Variants in MCF2L2 observed in about 807,000 individuals in gnomAD.
The protein encoded by MCF2L2 is probable guanine nucleotide exchange factor MCF2L2.
Under a neutral mutation model 150.2 loss-of-function variants are expected in MCF2L2, and 102 were observed. That is an observed-to-expected ratio of 0.68 (90% CI 0.58 to 0.80). The LOEUF is 0.80. Among genes scored for constraint, MCF2L2 ranks in the 30% least tolerant of loss-of-function variants. MCF2L2 has a pLI of 0.00. For synonymous variants in MCF2L2, 465 were observed against 491.3 expected, an observed-to-expected ratio of 0.95 and a Z score of 0.71; for missense variants, 1,256 against 1,372.8, an observed-to-expected ratio of 0.91 and a Z score of 1.34.
At chr3:183,274,297 C>T (rs529506290) in intron 15 of MCF2L2, among the ~76,000 whole-genome samples, 2 of 152,016 alleles carry the variant, frequency 1.3e-5, no homozygotes, top group South Asian at 4.1e-4. Flanking sequence ...GGGATGAAAT[C>T]ACCTGTAGTT....
rs180747040 is a variant in MCF2L2, at chr3:183,260,514, A to G, written c.1862+16358T>C. 2.7e-3 allele frequency among the ~76,000 whole-genome samples: 417 copies of G among 152,248 alleles called. 3 individuals are homozygous for G. The highest frequency in any genetic ancestry group is 9.5e-3 in the African/African-American group (396 of 41,544). On this transcript the variant is annotated intron_variant, in intron 15 of 29. Transcript: ENST00000328913. ...TATGTCAGCTTTTTTATTTGTTTCA[A>G]ATTTTGCATAATCAAACTGGTTACT...
intron 1 of MCF2L2, among the ~76,000 whole-genome samples, chr3:183,423,632 G>GTTTTTTTTTTTTTT (rs34400256): frequency 3.3e-5 from 3 of 92,038 alleles, no homozygotes; most frequent in Non-Finnish European, 4.3e-5. Flanking sequence ...AATTTTATTT[G>GTTTTTTTTTTTTTT]TTTTTTTTTT....
chr3:183,292,591 GCA>G (rs1228014165), intron 13 of MCF2L2, among the ~76,000 whole-genome samples: 1 of 141,538 alleles, frequency 7.1e-6, no homozygotes, highest in Non-Finnish European at 1.5e-5. Context: ...ACACACACAT[GCA>G]CACACACACG....
At chr3:183,389,622 G>A (rs980064976) in intron 2 of MCF2L2, 74 bp downstream of exon 2, 4 of 1,277,358 alleles carry the variant, frequency 3.1e-6, no homozygotes, top group Non-Finnish European at 4.6e-6. Context: ...CATTCCTCAA[G>A]GTTCAAGAGG....
In MCF2L2 at chr3:183,295,306, T is replaced by A. The variant is rs1298119612; in HGVS notation, c.1669A>T (p.Thr557Ser). Residue 557 changes from threonine to serine, a missense_variant, in exon 13 of 30, where the codon ACC becomes TCC. Coordinates refer to ENST00000328913, the MANE Select transcript of MCF2L2 (RefSeq NM_015078.4). ...TTTTCCTCAAATAACCTACCCGAGG[T>A]GGAGGGCTGGCTGGTTTTTGATGAC... ...WVSSKTSQPSTSVPLARPLRT... is the reference protein window; with the variant it reads ...WVSSKTSQPSSSVPLARPLRT... The A allele has an allele frequency of 6.2e-7, 1 of 1,605,042 alleles. No homozygotes were observed. Among genetic ancestry groups the A allele is most frequent in the Admixed American group, 1.7e-5 (1 of 57,752 alleles).
At chr3:183,321,665 A>C (rs1729819291) in intron 6 of MCF2L2, among the ~76,000 whole-genome samples, 1 of 152,242 alleles carries the variant, frequency 6.6e-6, no homozygotes, top group African/African-American at 2.4e-5. Flanking sequence ...TAATAAAATG[A>C]AACACGACTG....
At chr3:183,241,542 GC>G (rs1724026769) in intron 15 of MCF2L2, among the ~76,000 whole-genome samples, 1 of 152,162 alleles carries the variant, frequency 6.6e-6, no homozygotes, top group Non-Finnish European at 1.5e-5. Flanking sequence ...ATGCTCTCTT[GC>G]CTGCCACCAT....
In MCF2L2 at chr3:183,282,877, G is replaced by A. The variant is rs549494015; in HGVS notation, c.1777-5920C>T. 9.7e-4 allele frequency among the ~76,000 whole-genome samples: 147 copies of A among 152,284 alleles called. 1 individual carries two copies. The highest frequency in any genetic ancestry group is 3.4e-3 in the African/African-American group (143 of 41,544). ...TGACTATCGTAGCATCAATGGTGTG[G>A]GCAGGGCTGCAGCCTCTGGGGCAGC... On this transcript the variant is annotated intron_variant, in intron 14 of 29. Coordinates refer to ENST00000328913, the MANE Select transcript of MCF2L2 (RefSeq NM_015078.4).
chr3:183,282,318 A>G (rs1244036786), intron 14 of MCF2L2, among the ~76,000 whole-genome samples: 1 of 151,938 alleles, frequency 6.6e-6, no homozygotes, highest in Admixed American at 6.6e-5. Flanking sequence ...AGCTGGGACT[A>G]CAGGCACCCG....
intron 1 of MCF2L2, among the ~76,000 whole-genome samples, chr3:183,402,638 A>G (rs1026179097): frequency 1.3e-5 from 2 of 151,806 alleles, no homozygotes; most frequent in South Asian, 2.1e-4. Flanking sequence ...ATGTCTCAAA[A>G]AAAAGGTTTT....
At chr3:183,384,365 T>C (rs181375153) in intron 2 of MCF2L2, among the ~76,000 whole-genome samples, 202 of 152,320 alleles carry the variant, frequency 1.3e-3, no homozygotes, top group African/African-American at 4.7e-3. Context: ...GGACTAATAT[T>C]AGCCACAAGA....
chr3:183,417,598 C>G (rs925977176), intron 1 of MCF2L2, among the ~76,000 whole-genome samples: 2 of 152,162 alleles, frequency 1.3e-5, no homozygotes, highest in Non-Finnish European at 2.9e-5. Flanking sequence ...GAATAACTTC[C>G]TTTAGTATTC....
intron 15 of MCF2L2, among the ~76,000 whole-genome samples, chr3:183,268,539 G>A (rs1446423133): frequency 6.6e-6 from 1 of 152,086 alleles, no homozygotes; most frequent in Non-Finnish European, 1.5e-5. Context: ...TTCAGGCATA[G>A]ATGAAAGAAG....
chr3:183,391,746 T>C (rs1714165141), intron 1 of MCF2L2, among the ~76,000 whole-genome samples: 4 of 152,194 alleles, frequency 2.6e-5, no homozygotes, highest in African/African-American at 9.7e-5. Context: ...AAAACACAAG[T>C]AGACAACAAC....
intron 6 of MCF2L2, among the ~76,000 whole-genome samples, chr3:183,321,801 T>C (rs969437045): frequency 2.0e-5 from 3 of 152,238 alleles, no homozygotes; most frequent in African/African-American, 7.2e-5. Flanking sequence ...CCACAAACCA[T>C]GGCTACATAC....
At chr3:183,269,244 T>TTTTTTTTTTTTTTTTTTTTTTTTG in intron 15 of MCF2L2, among the ~76,000 whole-genome samples, 1 of 148,926 alleles carries the variant, frequency 6.7e-6, no homozygotes, top group Non-Finnish European at 1.5e-5. Context: ...TTTTTTTTTT[T>TTTTTTTTTTTTTTTTTTTTTTTTG]TTTTAAGAGT....
chr3:183,250,783 G>C (rs1724486243), intron 15 of MCF2L2, among the ~76,000 whole-genome samples: 1 of 152,134 alleles, frequency 6.6e-6, no homozygotes, highest in African/African-American at 2.4e-5. Context: ...TGTATCAACA[G>C]ATGTGAAATT....
chr3:183,309,266 GTT>G (rs10554213), intron 10 of MCF2L2, among the ~76,000 whole-genome samples: 58,670 of 149,350 alleles, frequency 0.39, 12,705 homozygotes, highest in African/African-American at 0.59. Context: ...AAAACTAGTT[GTT>G]TTTTTTTTTC....
intron 3 of MCF2L2, chr3:183,377,724 A>G (rs766310082): frequency 6.6e-6 from 1 of 152,224 alleles, no homozygotes; most frequent in Admixed American, 6.5e-5. Flanking sequence ...GGAAGGTTTC[A>G]TCGAAGAGAT....
Sources: gnomAD v4.1 joint callset for allele counts (sites outside exome capture counted in the v4.1 genomes callset) on GRCh38, gnomAD v4.1.1 for gene constraint, MANE v1.5 for transcripts, NCBI Gene and HGNC (gene_info 2026-07-23, HGNC 2026-07-21) for gene names.